EIF2D: variants seen among roughly 807,000 people sequenced by gnomAD.
The protein encoded by EIF2D is hepatocellular carcinoma-associated antigen 56.
Under a neutral mutation model 77.4 loss-of-function variants are expected in EIF2D, and 56 were observed. That is an observed-to-expected ratio of 0.72 (90% confidence interval 0.58 to 0.90). EIF2D has a LOEUF of 0.90. EIF2D is among the 40% of genes least tolerant of loss of function. EIF2D has a pLI of 0.00. For synonymous variants in EIF2D, 230 were observed against 271.0 expected, an observed-to-expected ratio of 0.85 and a Z score of 1.49; for missense variants, 574 against 706.5, an observed-to-expected ratio of 0.81 and a Z score of 2.13.
downstream of EIF2D, chr1:206,587,317 GAAGA>G (rs1473725807): frequency 1.1e-5 from 4 of 352,322 alleles, no homozygotes; most frequent in Non-Finnish European, 2.2e-5. Context: ...GCAAAGGAAG[GAAGA>G]AAGGTTTTAG....
intron 3 of EIF2D, 128 bp downstream of exon 3, chr1:206,609,248 A>G (rs1670351574): frequency 3.5e-6 from 3 of 865,564 alleles, no homozygotes; most frequent in African/African-American, 3.4e-5. Flanking sequence ...GAGAAACATA[A>G]AACACATAGG....
Position 206,584,517 on chromosome 1 carries a change from C to A in EIF2D, c.139-3355G>T, listed in dbSNP as rs149067883. On this transcript the variant is annotated intron_variant and NMD_transcript_variant, in intron 2 of 5. Transcript: ENST00000472709. The surrounding 1 kb of genome is among the most constrained non-coding windows in gnomAD (Gnocchi z 4.9). ...AAGGAGGTGAACCTGGCGGCTACCA[C>A]GGACAAGCGGACATCCTTCTACCTG... The A allele has an allele frequency of 1.2e-6, 2 of 1,614,024 alleles. No homozygotes were observed. The highest frequency in any genetic ancestry group is 4.5e-5 in the East Asian group (2 of 44,890).
At chr1:206,589,233 A>G (rs184742000), downstream of EIF2D, 5 of 152,710 alleles carry the variant, frequency 3.3e-5, no homozygotes, top group African/African-American at 9.6e-5. Context: ...TCTTTCTTAT[A>G]TGGGTTTTAA....
chr1:206,580,256 GC>G (rs1201158654), intron 4 of EIF2D, among the ~76,000 whole-genome samples: 1 of 152,230 alleles, frequency 6.6e-6, no homozygotes, highest in East Asian at 1.9e-4. Flanking sequence ...GCCTTTGAAA[GC>G]CACAGCACAG....
intron 4 of EIF2D, chr1:206,572,836 G>A (rs1222473847): frequency 2.6e-5 from 4 of 152,122 alleles, no homozygotes; most frequent in Non-Finnish European, 5.9e-5. Flanking sequence ...GGAGGAAGGG[G>A]CCCTTGGCCC....
At position 206,597,087 on chromosome 1, in the gene EIF2D, CA is replaced by C. The variant is rs1558533003; in HGVS notation, c.1388+12del. The C allele has an allele frequency of 2.3e-5, 37 of 1,609,588 alleles. No homozygotes were observed. The highest frequency in any genetic ancestry group is 3.1e-5 in the Non-Finnish European group (37 of 1,176,096). On this transcript the variant is annotated intron_variant, in intron 12 of 14. Coordinates refer to ENST00000271764, the MANE Select transcript of EIF2D (RefSeq NM_006893.3). ...GATAGAAAAGTTGGAGAGGGACTGC[CA>C]ATGCTCGTTACCTGGTCAGAAGACT... is the stretch of plus-strand genomic sequence containing the variant.
In EIF2D at chr1:206,599,462, C is replaced by T; in HGVS notation, c.1202+1G>A. 3.1e-6 allele frequency: 5 copies of T among 1,613,646 alleles called. No homozygotes were observed. The highest frequency in any genetic ancestry group is 4.2e-6 in the Non-Finnish European group (5 of 1,179,850). On this transcript the variant is annotated splice_donor_variant, in intron 10 of 14. Coordinates refer to ENST00000271764, the MANE Select transcript of EIF2D (RefSeq NM_006893.3). LOFTEE classifies it high-confidence loss of function. This position sits in a 1 kb window ranked among gnomAD's most constrained non-coding sequence, Gnocchi z 4.1. ...AGAAGGGCTGCTCTCCAAAAACTCA[C>T]TTGTGGCCAGACTCCTGGAAGAGCA...
chr1:206,587,135 G>A, downstream of EIF2D: 2 of 916,222 alleles, frequency 2.2e-6, no homozygotes, highest in African/African-American at 1.6e-5. Context: ...ATGGACAAGT[G>A]TTTGCACGAG....
At chr1:206,593,514 T>TGTGTGC (rs1553409385) in intron 14 of EIF2D, 105 bp downstream of exon 14, 151 of 657,752 alleles carry the variant, frequency 2.3e-4, no homozygotes, top group African/African-American at 8.8e-4. Context: ...AGAGAGTGTG[T>TGTGTGC]GTGTGTGTGT....
intron 4 of EIF2D, among the ~76,000 whole-genome samples, chr1:206,573,999 G>T (rs868979831): frequency 2.0e-5 from 3 of 152,244 alleles, no homozygotes; most frequent in Middle Eastern, 3.2e-3. Context: ...TGTTATTTAG[G>T]GGATTAAATG....
chr1:206,575,041 T>C (rs1553404945), intron 4 of EIF2D, among the ~76,000 whole-genome samples: 1 of 151,914 alleles, frequency 6.6e-6, no homozygotes, highest in African/African-American at 2.4e-5. Flanking sequence ...TTTGTTTTTT[T>C]TTTTAGAAGA....
rs892400813 is a variant in EIF2D at position 206,609,034 on chromosome 1, A to C, written c.331+342T>G. Among the ~76,000 whole-genome samples the C allele has an allele frequency of 2.6e-5, 4 of 152,028 alleles. No individual in the cohort carries two copies. In the South Asian group the frequency reaches 8.3e-4, roughly 31 times the overall value. On this transcript the variant is annotated intron_variant, in intron 3 of 14. Transcript: ENST00000271764. ...GCCACTGCACTCCAGCCTGAGCAAC[A>C]GAGTGAGACTCCATCTCAAAAAAAA...
Position 206,603,870 on chromosome 1 carries a change from C to T in EIF2D, c.531-666G>A, listed in dbSNP as rs150660118. 1.5e-3 allele frequency among the ~76,000 whole-genome samples: 222 copies of T among 152,318 alleles called. 2 individuals are homozygous for T. The Middle Eastern group carries it at 0.017, about 12-fold the overall frequency. ...CAAACTAAGTTTTAACTAATAGTTA[C>T]GGCAAGGCTTCTCAGTGTTGTTCAC... On this transcript the variant is annotated intron_variant, in intron 5 of 14. Coordinates refer to ENST00000271764, the MANE Select transcript of EIF2D (RefSeq NM_006893.3).
intron 13 of EIF2D, 178 bp from the exon 14 acceptor site, chr1:206,593,971 T>C: frequency 1.9e-6 from 1 of 527,714 alleles, no homozygotes; most frequent in Non-Finnish European, 3.3e-6. Context: ...AAATTGATTC[T>C]GTCTACCCCA....
At chr1:206,608,632 T>A (rs562856848) in intron 3 of EIF2D, among the ~76,000 whole-genome samples, 1 of 152,230 alleles carries the variant, frequency 6.6e-6, no homozygotes, top group Non-Finnish European at 1.5e-5. Flanking sequence ...GGCTTACGCT[T>A]TTTATGACCC....
exon 6 of EIF2D, chr1:206,571,437 C>T (rs1405655887): frequency 6.6e-6 from 1 of 152,156 alleles, no homozygotes; most frequent in Non-Finnish European, 1.5e-5. Context: ...GATCCACTCA[C>T]TCACCTACCC....
intron 4 of EIF2D, among the ~76,000 whole-genome samples, chr1:206,575,949 G>C (rs1443604374): frequency 1.3e-5 from 2 of 152,178 alleles, no homozygotes; most frequent in Admixed American, 1.3e-4. Context: ...TAGGGGTCTG[G>C]GGTGGGCTCT....
intron 4 of EIF2D, among the ~76,000 whole-genome samples, chr1:206,575,577 A>T (rs1668610150): frequency 6.6e-6 from 1 of 152,158 alleles, no homozygotes. Flanking sequence ...TCCTGCTGCC[A>T]TTCAGCCATG....
At chr1:206,586,491 G>A (rs2103574941) in intron 2 of EIF2D, 2 of 234,048 alleles carry the variant, frequency 8.5e-6, no homozygotes, top group East Asian at 2.6e-4. Flanking sequence ...CCTGCTTTCT[G>A]AGGGTCTGCA....
Sources: allele counts gnomAD v4.1 joint callset (sites outside exome capture counted in the v4.1 genomes callset), GRCh38; gene constraint gnomAD v4.1.1; non-coding constraint Gnocchi (gnomAD v3.1); transcripts MANE v1.5; gene names NCBI Gene and HGNC (gene_info 2026-07-23, HGNC 2026-07-21).